The following TSPAN18 variants were observed in gnomAD, a reference collection of about 807,000 sequenced individuals.
The protein encoded by TSPAN18 is tetraspanin-18.
TSPAN18 carries 14 observed loss-of-function variants against 27.3 expected under a neutral mutation model. That is an observed-to-expected ratio of 0.51 (90% CI 0.34 to 0.80). TSPAN18 has a LOEUF of 0.80. Among genes scored for constraint, TSPAN18 ranks in the 30% least tolerant of loss-of-function variants. The pLI is 0.01. For synonymous variants in TSPAN18, 143 were observed against 136.5 expected, an observed-to-expected ratio of 1.05 and a Z score of -0.33; for missense variants, 268 against 323.9, an observed-to-expected ratio of 0.83 and a Z score of 1.32.
chr11:44,734,250 C>T (rs2134800255), intron 1 of TSPAN18, among the ~76,000 whole-genome samples: 1 of 152,296 alleles, frequency 6.6e-6, no homozygotes, highest in Middle Eastern at 3.4e-3. Flanking sequence ...ATAAATTACC[C>T]AGCCTTGTAT....
intron 2 of TSPAN18, among the ~76,000 whole-genome samples, chr11:44,785,440 G>A (rs1856032332): frequency 6.6e-6 from 1 of 152,082 alleles, no homozygotes; most frequent in Non-Finnish European, 1.5e-5. Context: ...CCCTGTAGCT[G>A]TGCAGTTGTT....
At chr11:44,903,240 T>C (rs1859330663) in intron 3 of TSPAN18, 1 of 365,204 alleles carries the variant, frequency 2.7e-6, no homozygotes, top group Non-Finnish European at 5.4e-6. Context: ...AGGTGATGCC[T>C]GTGACGAGTC....
intron 2 of TSPAN18, among the ~76,000 whole-genome samples, chr11:44,806,694 C>T (rs1284560702): frequency 6.6e-6 from 1 of 152,192 alleles, no homozygotes; most frequent in Admixed American, 6.5e-5. Flanking sequence ...TCTAACTCAT[C>T]TTGGGGCTGA....
chr11:44,772,438 A>G (rs1855709396), intron 2 of TSPAN18, among the ~76,000 whole-genome samples: 1 of 152,232 alleles, frequency 6.6e-6, no homozygotes, highest in Non-Finnish European at 1.5e-5. Context: ...AAAATGTAAA[A>G]AGGTAACGGG....
intron 2 of TSPAN18, among the ~76,000 whole-genome samples, chr11:44,851,657 CTCTT>C (rs778687791): frequency 8.0e-5 from 12 of 150,242 alleles, no homozygotes; most frequent in Non-Finnish European, 1.8e-4. Flanking sequence ...TCCCTCCTCT[CTCTT>C]CTCATACATC....
intron 2 of TSPAN18, among the ~76,000 whole-genome samples, chr11:44,785,971 C>T (rs1369829231): frequency 2.6e-5 from 4 of 152,236 alleles, no homozygotes; most frequent in African/African-American, 9.6e-5. Flanking sequence ...AAGGTGGATA[C>T]GGCAGTCGTG....
At chr11:44,850,889 C>A (rs1340146867) in intron 2 of TSPAN18, among the ~76,000 whole-genome samples, 2 of 152,158 alleles carry the variant, frequency 1.3e-5, no homozygotes, top group Non-Finnish European at 2.9e-5. Context: ...CTTTACCCAT[C>A]TGTGGGCACT....
chr11:44,923,077 T>C (rs1004812488), intron 8 of TSPAN18, among the ~76,000 whole-genome samples: 2 of 152,010 alleles, frequency 1.3e-5, no homozygotes, highest in African/African-American at 4.8e-5. Flanking sequence ...CCACTGTGCT[T>C]CAGCCTGGGC....
At chr11:44,800,665 C>T (rs1469202057) in intron 2 of TSPAN18, among the ~76,000 whole-genome samples, 7 of 152,214 alleles carry the variant, frequency 4.6e-5, no homozygotes, top group Admixed American at 4.6e-4. Flanking sequence ...CCCGGTGACA[C>T]CTGTTTGCAG....
intron 2 of TSPAN18, among the ~76,000 whole-genome samples, chr11:44,788,373 G>A (rs1013777644): frequency 6.6e-6 from 1 of 152,050 alleles, no homozygotes; most frequent in Admixed American, 6.6e-5. Context: ...CAATTTTAAT[G>A]AGTTTAAACG....
chr11:44,851,282 A>G (rs1468362779), intron 2 of TSPAN18, among the ~76,000 whole-genome samples: 2 of 152,168 alleles, frequency 1.3e-5, no homozygotes, highest in South Asian at 2.1e-4. Flanking sequence ...CCCTTCCTAC[A>G]GCTCCCTGGA....
At chr11:44,893,781 C>T (rs1037386693) in intron 3 of TSPAN18, among the ~76,000 whole-genome samples, 4 of 152,184 alleles carry the variant, frequency 2.6e-5, no homozygotes, top group East Asian at 1.9e-4. Flanking sequence ...TTTAAGTGAA[C>T]GCCCATAATA....
chr11:44,759,590 C>T (rs1028835281), intron 1 of TSPAN18, among the ~76,000 whole-genome samples: 1 of 152,198 alleles, frequency 6.6e-6, no homozygotes, highest in African/African-American at 2.4e-5. Flanking sequence ...TCCCTGTGTT[C>T]ATCCATCTCT....
intron 9 of TSPAN18, among the ~76,000 whole-genome samples, chr11:44,928,870 G>A (rs1335085248): frequency 6.6e-6 from 1 of 152,070 alleles, no homozygotes; most frequent in Non-Finnish European, 1.5e-5. Flanking sequence ...CTTTGCCTAA[G>A]GACAACCCTG....
At chr11:44,729,582 C>T (rs1449489294) in intron 1 of TSPAN18, among the ~76,000 whole-genome samples, 1 of 152,194 alleles carries the variant, frequency 6.6e-6, no homozygotes, top group African/African-American at 2.4e-5. Flanking sequence ...GTTTCCTTGT[C>T]TCCCTTGTCC....
intron 2 of TSPAN18, among the ~76,000 whole-genome samples, chr11:44,834,769 G>A (rs1857230218): frequency 6.6e-6 from 1 of 152,150 alleles, no homozygotes; most frequent in South Asian, 2.1e-4. Context: ...TGTTAAATGG[G>A]ATAATATTTG....
chr11:44,917,673 G>A, intron 5 of TSPAN18: 2 of 302,514 alleles, frequency 6.6e-6, no homozygotes, highest in Non-Finnish European at 1.2e-5. Flanking sequence ...TCCTTCCAGG[G>A]TGGCTGAGTA....
Position 44,733,325 on chromosome 11 carries a change from C to T in TSPAN18, c.-240+6038C>T, listed in dbSNP as rs370065721. On this transcript the variant is annotated intron_variant, in intron 1 of 9. Coordinates refer to ENST00000520358, the MANE Select transcript of TSPAN18 (RefSeq NM_130783.5). ...CCTTTCCCTAATAATCCCCGATGTACATTGCTCTTTGTAGATTACAGACTG... is the reference window on the plus strand; with the variant it reads ...CCTTTCCCTAATAATCCCCGATGTATATTGCTCTTTGTAGATTACAGACTG... Among the ~76,000 whole-genome samples the T allele has an allele frequency of 8.5e-5, 13 of 152,176 alleles. No homozygotes were observed. In the East Asian group the frequency reaches 2.3e-3, roughly 27 times the overall value.
chr11:44,861,208 C>A (rs193071575), intron 3 of TSPAN18, among the ~76,000 whole-genome samples: 578 of 152,126 alleles, frequency 3.8e-3, no homozygotes, highest in Middle Eastern at 0.031. Flanking sequence ...ACGCCTTGCT[C>A]ATTTCAAATC....
Sources: allele counts gnomAD v4.1 joint callset (sites outside exome capture counted in the v4.1 genomes callset), GRCh38; gene constraint gnomAD v4.1.1; transcripts MANE v1.5; gene names NCBI Gene and HGNC (gene_info 2026-07-23, HGNC 2026-07-21).